MALRD1: variants seen among roughly 807,000 people sequenced by gnomAD.
The protein encoded by MALRD1 is MAM and LDL-receptor class A domain-containing protein 1.
MALRD1 carries 247 observed loss-of-function variants against 242.1 expected under a neutral mutation model. The ratio of observed to expected loss-of-function variants is 1.02; its 90% CI spans 0.92 to 1.13. MALRD1 has a LOEUF of 1.13. MALRD1 is among the 50% of genes most tolerant of loss of function. The probability of loss-of-function intolerance (pLI) is 0.00; values close to 1 mark genes in which losing one functional copy is unlikely to be tolerated. For synonymous variants in MALRD1, 995 were observed against 866.6 expected (o/e 1.15, Z -2.60); for missense variants, 2,989 against 2,533.1 (o/e 1.18, Z -3.86).
At chr10:19,205,808 C>T (rs953965462) in intron 17 of MALRD1, among the ~76,000 whole-genome samples, 7 of 151,912 alleles carry the variant, frequency 4.6e-5, no homozygotes, top group South Asian at 2.1e-4. Flanking sequence ...AGGCCAGATT[C>T]GCAGGCCTTT....
chr10:19,511,323 T>C (rs1309274115), intron 31 of MALRD1, among the ~76,000 whole-genome samples: 1 of 152,150 alleles, frequency 6.6e-6, no homozygotes, highest in Non-Finnish European at 1.5e-5. Flanking sequence ...GGCTGATCTT[T>C]AAATTCTCTA....
intron 38 of MALRD1, among the ~76,000 whole-genome samples, chr10:19,726,417 CA>C (rs1326020904): frequency 1.3e-5 from 2 of 151,844 alleles, no homozygotes; most frequent in African/African-American, 4.8e-5. Flanking sequence ...ACTGAGATAG[CA>C]ATAATAATAA....
chr10:19,333,204 T>A (rs1444739251), intron 24 of MALRD1, among the ~76,000 whole-genome samples: 1 of 152,142 alleles, frequency 6.6e-6, no homozygotes, highest in African/African-American at 2.4e-5. Context: ...GTTTCTTGTA[T>A]GTTGTGTGAT....
chr10:19,475,877 T>C (rs1836705482), intron 29 of MALRD1, among the ~76,000 whole-genome samples: 1 of 152,180 alleles, frequency 6.6e-6, no homozygotes, highest in Non-Finnish European at 1.5e-5. Flanking sequence ...CACATTAATG[T>C]TATCAAAATC....
At chr10:19,686,740 T>C (rs1842600390) in intron 36 of MALRD1, among the ~76,000 whole-genome samples, 1 of 152,066 alleles carries the variant, frequency 6.6e-6, no homozygotes, top group Admixed American at 6.5e-5. Flanking sequence ...AACCAAATCG[T>C]GGAAATGCTA....
intron 21 of MALRD1, among the ~76,000 whole-genome samples, chr10:19,301,794 T>C (rs1188255920): frequency 6.6e-6 from 1 of 151,636 alleles, no homozygotes; most frequent in Non-Finnish European, 1.5e-5. Context: ...AAATAATTTG[T>C]ACATCAAACC....
intron 2 of MALRD1, among the ~76,000 whole-genome samples, chr10:19,080,801 C>A (rs763638878): frequency 6.6e-6 from 1 of 151,808 alleles, no homozygotes; most frequent in Non-Finnish European, 1.5e-5. Flanking sequence ...TTCTGCACAG[C>A]AAAAGAAACT....
chr10:19,522,666 A>G (rs1269205543), intron 31 of MALRD1, among the ~76,000 whole-genome samples: 1 of 152,146 alleles, frequency 6.6e-6, no homozygotes, highest in Non-Finnish European at 1.5e-5. Context: ...ATTTGATATT[A>G]TATGCTCCCA....
rs370363825 is a variant in MALRD1, at chr10:19,063,998, G to A, written c.200-2721G>A. Among the ~76,000 whole-genome samples the A allele has an allele frequency of 2.0e-3, 309 of 151,538 alleles. 1 individual carries two copies. Among genetic ancestry groups the A allele is most frequent in the African/African-American group, 6.3e-3 (262 of 41,322 alleles). ...TAAAAATATTTTTCTTTCCATTATC[G>A]TGTTAAAGATCAAAACTATGAGGAA... On this transcript the variant is annotated intron_variant, in intron 1 of 39. Transcript: ENST00000454679.
intron 35 of MALRD1, among the ~76,000 whole-genome samples, chr10:19,608,583 G>T (rs1838743661): frequency 6.6e-6 from 1 of 151,810 alleles, no homozygotes; most frequent in Non-Finnish European, 1.5e-5. Flanking sequence ...CTAACTAAAG[G>T]ATAATATAAA....
chr10:19,148,787 AAATATAT>A (rs769884403), intron 11 of MALRD1, among the ~76,000 whole-genome samples: 4,530 of 84,960 alleles, frequency 0.053, 131 homozygotes, highest in Non-Finnish European at 0.062. Context: ...AAAAAAAAAA[AAATATAT>A]ATATATATAT....
intron 38 of MALRD1, among the ~76,000 whole-genome samples, chr10:19,695,505 G>C (rs902509292): frequency 7.1e-6 from 1 of 140,924 alleles, no homozygotes; most frequent in Admixed American, 7.8e-5. Context: ...AGAAGCAAAG[G>C]CATGTTTTTC....
At chr10:19,519,013 A>G (rs1166446454) in intron 31 of MALRD1, among the ~76,000 whole-genome samples, 1 of 152,176 alleles carries the variant, frequency 6.6e-6, no homozygotes, top group Non-Finnish European at 1.5e-5. Flanking sequence ...ATATGAATGT[A>G]TCTCGGGTTA....
intron 28 of MALRD1, among the ~76,000 whole-genome samples, chr10:19,430,912 T>C (rs2486053): frequency 0.78 from 118,985 of 152,118 alleles, 47,207 homozygotes; most frequent in African/African-American, 0.92. Context: ...TAATGTAGAC[T>C]TGATGCGCCA....
intron 23 of MALRD1, among the ~76,000 whole-genome samples, chr10:19,329,421 C>CA (rs11371488): frequency 0.62 from 93,900 of 151,610 alleles, 29,347 homozygotes; most frequent in African/African-American, 0.67. Context: ...GACCCCCCCC[C>CA]AATTTAAACA....
At chr10:19,137,672 G>A (rs931298235) in intron 10 of MALRD1, among the ~76,000 whole-genome samples, 1 of 149,496 alleles carries the variant, frequency 6.7e-6, no homozygotes, top group African/African-American at 2.5e-5. Flanking sequence ...GAGGGCCAAA[G>A]TGCCCCAACA....
At chr10:19,314,829 C>T (rs1174165366) in intron 21 of MALRD1, among the ~76,000 whole-genome samples, 2 of 151,122 alleles carry the variant, frequency 1.3e-5, no homozygotes, top group Admixed American at 6.7e-5. Flanking sequence ...AAATTTCTGA[C>T]CCCAGTTGTA....
chr10:19,317,859 ATG>A (rs1051688513), intron 21 of MALRD1, among the ~76,000 whole-genome samples: 3 of 152,044 alleles, frequency 2.0e-5, no homozygotes, highest in Non-Finnish European at 1.5e-5. Context: ...ATCTCTTTTT[ATG>A]TAATGACTTT....
intron 38 of MALRD1, chr10:19,722,589 CTAAAA>C (rs1834813422): frequency 1.3e-4 from 1 of 7,552 alleles, no homozygotes; most frequent in Non-Finnish European, 2.6e-4. Flanking sequence ...GACCATGTCT[CTAAAA>C]AAAAAAAAAA....
Sources: gnomAD v4.1 joint callset for allele counts (sites outside exome capture counted in the v4.1 genomes callset) on GRCh38, gnomAD v4.1.1 for gene constraint, MANE v1.5 for transcripts, NCBI Gene and HGNC (gene_info 2026-07-23, HGNC 2026-07-21) for gene names.